BLOC1S5: variants seen among roughly 807,000 people sequenced by gnomAD.
The protein encoded by BLOC1S5 is biogenesis of lysosome-related organelles complex 1 subunit 5.
A neutral mutation model predicts 24.3 loss-of-function variants in BLOC1S5; 27 were observed. The ratio of observed to expected loss-of-function variants is 1.11; its 90% CI spans 0.82 to 1.53. The LOEUF (loss-of-function observed/expected upper bound fraction) is 1.53, where lower values mean the gene tolerates loss of function less well. Ranked by LOEUF, BLOC1S5 falls within the 40% of genes most tolerant of loss-of-function variation. BLOC1S5 has a pLI of 0.00. For synonymous variants in BLOC1S5, 84 were observed against 74.5 expected (o/e 1.13, Z -0.66); for missense variants, 239 against 229.4 (o/e 1.04, Z -0.27).
chr6:8,041,659 T>C (rs9505342), intron 2 of BLOC1S5, among the ~76,000 whole-genome samples: 30,112 of 78,984 alleles, frequency 0.38, 4,109 homozygotes, highest in Non-Finnish European at 0.39. Context: ...TTCTTTCTTT[T>C]TTTTTGAGAT....
intron 2 of BLOC1S5, among the ~76,000 whole-genome samples, chr6:8,058,500 T>C (rs1764400224): frequency 6.6e-6 from 1 of 151,780 alleles, no homozygotes; most frequent in African/African-American, 2.4e-5. Flanking sequence ...GGTCTCTTAG[T>C]TCAAAGACAA....
intron 4 of BLOC1S5, among the ~76,000 whole-genome samples, chr6:8,019,731 A>G (rs1013673909): frequency 2.6e-5 from 4 of 152,168 alleles, no homozygotes; most frequent in African/African-American, 9.7e-5. Flanking sequence ...AAGACCTTTA[A>G]GTCATGCAAA....
At chr6:8,047,170 A>T (rs1039852539) in intron 2 of BLOC1S5, among the ~76,000 whole-genome samples, 7,991 of 47,348 alleles carry the variant, frequency 0.17, 525 homozygotes, top group East Asian at 0.43. Flanking sequence ...TCACACACAC[A>T]CACACACACA....
intron 2 of BLOC1S5, among the ~76,000 whole-genome samples, chr6:8,051,933 G>T (rs537880197): frequency 6.7e-6 from 1 of 150,158 alleles, no homozygotes; most frequent in South Asian, 2.1e-4. Context: ...AAGAAGATGC[G>T]TGTTGTTATT....
At chr6:8,049,899 C>T (rs1209729455) in intron 2 of BLOC1S5, among the ~76,000 whole-genome samples, 3 of 151,922 alleles carry the variant, frequency 2.0e-5, no homozygotes, top group East Asian at 1.9e-4. Flanking sequence ...TTTGTAGAGA[C>T]GGGGTTTCAT....
At chr6:8,019,285 T>TTTTA (rs1762843055) in intron 4 of BLOC1S5, among the ~76,000 whole-genome samples, 1 of 151,384 alleles carries the variant, frequency 6.6e-6, no homozygotes. Context: ...TTTTTTTTTT[T>TTTTA]GAGATGGAGT....
intron 3 of BLOC1S5, among the ~76,000 whole-genome samples, chr6:8,035,231 A>G (rs778726476): frequency 1.3e-5 from 2 of 152,060 alleles, no homozygotes; most frequent in Non-Finnish European, 2.9e-5. Context: ...AAGACTACAC[A>G]TTGGGTACAG....
chr6:8,037,299 T>C (rs1472042414), intron 3 of BLOC1S5, among the ~76,000 whole-genome samples: 1 of 152,116 alleles, frequency 6.6e-6, no homozygotes, highest in African/African-American at 2.4e-5. Flanking sequence ...AAAATCAACA[T>C]ACAAAATCCA....
chr6:8,020,988 G>A lies in BLOC1S5; in HGVS notation c.385-5160C>T, dbSNP rs531074320. Among the ~76,000 whole-genome samples the A allele has an allele frequency of 1.7e-4, 26 of 152,282 alleles. 1 individual carries two copies. The Middle Eastern group carries it at 0.014, about 80-fold the overall frequency. Reference sequence around the variant, plus strand: ...AATGTTATGCATAATAGCCAAAGGTGGGAGAACCTAAACGTCCATAGACAG... The same window carrying A: ...AATGTTATGCATAATAGCCAAAGGTAGGAGAACCTAAACGTCCATAGACAG... On this transcript the variant is annotated intron_variant, in intron 4 of 4. Coordinates refer to ENST00000397457, the MANE Select transcript of BLOC1S5 (RefSeq NM_201280.3).
intron 3 of BLOC1S5, among the ~76,000 whole-genome samples, chr6:8,040,806 A>T (rs1245558752): frequency 3.3e-5 from 5 of 151,976 alleles, no homozygotes; most frequent in African/African-American, 1.2e-4. Context: ...TAGTGAGCTG[A>T]GATTGCACCA....
intron 2 of BLOC1S5, among the ~76,000 whole-genome samples, chr6:8,059,287 G>A (rs577247107): frequency 8.5e-5 from 13 of 152,300 alleles, no homozygotes; most frequent in African/African-American, 3.1e-4. Context: ...AAAACAAAAA[G>A]AGAGCTTAAA....
intron 3 of BLOC1S5, among the ~76,000 whole-genome samples, chr6:8,028,621 A>T (rs1260323552): frequency 6.6e-6 from 1 of 152,194 alleles, no homozygotes; most frequent in Non-Finnish European, 1.5e-5. Flanking sequence ...TTAAAATTCT[A>T]ATCAGAACAC....
chr6:8,051,184 C>CA (rs35217854), intron 2 of BLOC1S5, among the ~76,000 whole-genome samples: 88,121 of 139,754 alleles, frequency 0.63, 27,355 homozygotes, highest in East Asian at 0.9. Context: ...GATTCCATCT[C>CA]AAAAAAAAAA....
At chr6:8,052,479 T>C (rs1247659657) in intron 2 of BLOC1S5, among the ~76,000 whole-genome samples, 1 of 152,182 alleles carries the variant, frequency 6.6e-6, no homozygotes, top group Non-Finnish European at 1.5e-5. Flanking sequence ...AGTATCAACA[T>C]TAACAGGAGT....
chr6:8,036,575 T>C (rs1763496239), intron 3 of BLOC1S5, among the ~76,000 whole-genome samples: 1 of 152,174 alleles, frequency 6.6e-6, no homozygotes, highest in Admixed American at 6.6e-5. Context: ...GCTTCTTTGC[T>C]GAATTCCAGC....
intron 2 of BLOC1S5, among the ~76,000 whole-genome samples, chr6:8,060,624 A>G (rs960138356): frequency 1.3e-5 from 2 of 152,208 alleles, no homozygotes; most frequent in Non-Finnish European, 2.9e-5. Context: ...AGATAAGTAG[A>G]AAGATTTAAG....
Position 8,015,566 on chromosome 6 carries a change from A to G in BLOC1S5, c.*83T>C. ...GAATATATTGCTAAGCTTGAAGCAG[A>G]GGCTAAACGGTCTGGTGGGAATAGT... On this transcript the variant is annotated 3_prime_UTR_variant, in exon 5 of 5. Transcript: ENST00000397457. The G allele has an allele frequency of 7.4e-7, 1 of 1,347,338 alleles. No individual in the cohort carries two copies. Among genetic ancestry groups the G allele is most frequent in the Non-Finnish European group, 1.0e-6 (1 of 985,054 alleles). The allele number at this position is 1,347,338 out of a possible 1,614,324, so 83.5% of individuals were successfully genotyped here.
chr6:8,015,808 T>C lies in BLOC1S5; in HGVS notation c.405A>G (p.Val135=). The C allele has an allele frequency of 6.2e-7, 1 of 1,610,678 alleles. No individual in the cohort carries two copies. Among genetic ancestry groups the C allele is most frequent in the Non-Finnish European group, 8.5e-7 (1 of 1,179,222 alleles). ...GGAGCATATGCTGTTTCTCACTAGC[T>C]ACTAAGTGGTCACTATGAATCTGAG... ...ERKKIHSDHL[V]ASEKQHMLQW... is the part of the protein sequence containing the mutation. The change falls in exon 5 of 5, where the codon GTA becomes GTG. Residue 135 remains valine, a synonymous_variant. Coordinates refer to ENST00000397457, the MANE Select transcript of BLOC1S5 (RefSeq NM_201280.3).
At chr6:8,043,547 G>T (rs1241402738) in intron 2 of BLOC1S5, among the ~76,000 whole-genome samples, 1 of 152,058 alleles carries the variant, frequency 6.6e-6, no homozygotes, top group African/African-American at 2.4e-5. Context: ...GAAAGGCGGA[G>T]GAACTGTCAC....
Sources: allele counts gnomAD v4.1 joint callset (sites outside exome capture counted in the v4.1 genomes callset), GRCh38; gene constraint gnomAD v4.1.1; transcripts MANE v1.5; gene names NCBI Gene and HGNC (gene_info 2026-07-23, HGNC 2026-07-21).